The following EYS variants were observed in gnomAD, a reference collection of about 807,000 sequenced individuals.
EYS encodes EGF-like photoreceptor maintenance factor.
A neutral mutation model predicts 282.1 loss-of-function variants in EYS; 250 were observed. The ratio of observed to expected loss-of-function variants is 0.89; its 90% CI spans 0.80 to 0.98. The LOEUF (loss-of-function observed/expected upper bound fraction) is 0.98. Among genes scored for constraint, EYS ranks in the 50% least tolerant of loss-of-function variants. The probability of loss-of-function intolerance (pLI) is 0.00; values close to 1 mark genes in which losing one functional copy is unlikely to be tolerated. For synonymous variants in EYS, 1,355 were observed against 1,282.9 expected (o/e 1.06, Z -1.20); for missense variants, 4,016 against 3,709.0 (o/e 1.08, Z -2.15).
intron 12 of EYS, among the ~76,000 whole-genome samples, chr6:65,231,830 C>A (rs1766790462): frequency 6.6e-6 from 1 of 151,486 alleles, no homozygotes; most frequent in African/African-American, 2.4e-5. Flanking sequence ...AAACAAAAGG[C>A]ACTCTAAATC....
intron 36 of EYS, among the ~76,000 whole-genome samples, chr6:63,827,370 A>G (rs1481537232): frequency 6.6e-6 from 1 of 152,208 alleles, no homozygotes; most frequent in Admixed American, 6.5e-5. Flanking sequence ...CTTCATCAAG[A>G]CAGAAAGTCA....
intron 12 of EYS, among the ~76,000 whole-genome samples, chr6:65,097,871 T>C (rs1774784814): frequency 1.3e-5 from 2 of 150,876 alleles, no homozygotes; most frequent in Admixed American, 1.3e-4. Context: ...AGTTGTTCAT[T>C]GGGTAAAAAT....
At chr6:64,212,649 T>A (rs1489796610) in intron 31 of EYS, among the ~76,000 whole-genome samples, 1 of 152,020 alleles carries the variant, frequency 6.6e-6, no homozygotes, top group Non-Finnish European at 1.5e-5. Context: ...GGAACACTTA[T>A]ACACTGTTGG....
chr6:64,229,575 A>T (rs1302010591), intron 31 of EYS, among the ~76,000 whole-genome samples: 1 of 152,200 alleles, frequency 6.6e-6, no homozygotes, highest in African/African-American at 2.4e-5. Context: ...CACTTATATG[A>T]TGTCTTAAGA....
chr6:65,488,702 T>C (rs1042301181), intron 5 of EYS, among the ~76,000 whole-genome samples: 2 of 151,824 alleles, frequency 1.3e-5, no homozygotes, highest in Non-Finnish European at 1.5e-5. Flanking sequence ...AAGCTGGAGG[T>C]ATCATGCTAC....
intron 1 of EYS, among the ~76,000 whole-genome samples, chr6:65,702,619 G>A (rs1769718858): frequency 6.6e-6 from 1 of 152,174 alleles, no homozygotes; most frequent in South Asian, 2.1e-4. Flanking sequence ...TTGACCCTGG[G>A]AGGTGGTGGT....
chr6:64,837,099 G>T (rs1017928269), intron 19 of EYS, among the ~76,000 whole-genome samples: 4 of 151,580 alleles, frequency 2.6e-5, no homozygotes, highest in Non-Finnish European at 5.9e-5. Context: ...ATCTTTAATA[G>T]GTTATAGCAA....
intron 22 of EYS, among the ~76,000 whole-genome samples, chr6:64,709,511 C>A (rs530223688): frequency 2.6e-5 from 4 of 152,196 alleles, no homozygotes; most frequent in Admixed American, 6.5e-5. Flanking sequence ...ATTCAATAGG[C>A]TACCAAATTG....
chr6:64,404,378 AGAGTGTGTGT>A (rs1204391380), intron 28 of EYS, among the ~76,000 whole-genome samples: 57 of 142,808 alleles, frequency 4.0e-4, no homozygotes, highest in African/African-American at 1.6e-3. Flanking sequence ...ATAGAGTGTG[AGAGTGTGTGT>A]GTGTGTGTGT....
chr6:65,080,834 G>A (rs1014671883), intron 12 of EYS, among the ~76,000 whole-genome samples: 3 of 152,074 alleles, frequency 2.0e-5, no homozygotes, highest in Non-Finnish European at 4.4e-5. Context: ...TATTTCATAA[G>A]CACTAAATTT....
At chr6:63,975,659 C>A (rs1047856604) in intron 35 of EYS, among the ~76,000 whole-genome samples, 3 of 152,006 alleles carry the variant, frequency 2.0e-5, no homozygotes, top group Admixed American at 6.6e-5. Context: ...GAACTCCTAT[C>A]TTCTGGTAAT....
At chr6:64,392,855 G>T (rs1226643300) in intron 28 of EYS, among the ~76,000 whole-genome samples, 1 of 151,628 alleles carries the variant, frequency 6.6e-6, no homozygotes, top group African/African-American at 2.4e-5. Context: ...TTTTTGAAAG[G>T]ATCAACAAAA....
intron 18 of EYS, among the ~76,000 whole-genome samples, chr6:64,888,296 A>G (rs1362763245): frequency 3.3e-5 from 5 of 152,030 alleles, no homozygotes. Context: ...TTGCACCACA[A>G]AGAAATGATG....
chr6:63,746,355 T>C (rs1769210321), intron 41 of EYS, among the ~76,000 whole-genome samples: 1 of 152,240 alleles, frequency 6.6e-6, no homozygotes, highest in South Asian at 2.1e-4. Context: ...TTTGCATCAA[T>C]GTTCATCAGG....
chr6:65,094,912 T>C (rs1774694746), intron 12 of EYS, among the ~76,000 whole-genome samples: 1 of 151,006 alleles, frequency 6.6e-6, no homozygotes, highest in South Asian at 2.1e-4. Flanking sequence ...GTCAACAAAG[T>C]AAAGAGTTGG....
At chr6:63,925,339 G>A (rs144563170) in intron 35 of EYS, among the ~76,000 whole-genome samples, 83 of 152,250 alleles carry the variant, frequency 5.5e-4, no homozygotes, top group African/African-American at 1.8e-3. Context: ...GAAACAGAAG[G>A]AAGTACTACA....
chr6:64,372,987 T>C (rs531627024), intron 29 of EYS, among the ~76,000 whole-genome samples: 1 of 152,304 alleles, frequency 6.6e-6, no homozygotes, highest in South Asian at 2.1e-4. Flanking sequence ...AATCCTTAGA[T>C]TTGGTTGGGT....
intron 26 of EYS, among the ~76,000 whole-genome samples, chr6:64,589,723 T>C (rs914258270): frequency 6.6e-6 from 1 of 152,026 alleles, no homozygotes; most frequent in African/African-American, 2.4e-5. Context: ...TTCTGAATTA[T>C]ATAAAATGAA....
At chr6:64,429,037 C>T (rs1223788531) in intron 28 of EYS, among the ~76,000 whole-genome samples, 1 of 152,068 alleles carries the variant, frequency 6.6e-6, no homozygotes, top group East Asian at 1.9e-4. Flanking sequence ...TACATAATTT[C>T]AGCTGAACTT....
Sources: allele counts gnomAD v4.1 joint callset (sites outside exome capture counted in the v4.1 genomes callset), GRCh38; gene constraint gnomAD v4.1.1; transcripts MANE v1.5; gene names NCBI Gene and HGNC (gene_info 2026-07-23, HGNC 2026-07-21).